RIMS1: variants seen among roughly 807,000 people sequenced by gnomAD.
RIMS1 encodes the protein regulating synaptic membrane exocytosis protein 1.
A neutral mutation model predicts 214.1 loss-of-function variants in RIMS1; 83 were observed. That is an observed-to-expected ratio of 0.39 (90% CI 0.32 to 0.47). The LOEUF is 0.47. Among genes scored for constraint, RIMS1 ranks in the 20% least tolerant of loss-of-function variants. The pLI is 0.99. For missense variants in RIMS1, 2,050 were observed against 2,161.8 expected (o/e 0.95, Z 1.03); for synonymous variants, 793 against 786.8 (o/e 1.01, Z -0.13).
At chr6:72,086,710 G>C (rs1247407098) in intron 2 of RIMS1, among the ~76,000 whole-genome samples, 2 of 152,128 alleles carry the variant, frequency 1.3e-5, no homozygotes, top group Non-Finnish European at 2.9e-5. Context: ...TTTGATTGTA[G>C]TGTAAGATGT....
chr6:72,161,910 G>C (rs2045482572), intron 4 of RIMS1, among the ~76,000 whole-genome samples: 1 of 140,794 alleles, frequency 7.1e-6, no homozygotes, highest in Non-Finnish European at 1.6e-5. Flanking sequence ...AGGTCCGCTT[G>C]GTGCAGAGCT....
chr6:72,038,151 A>ATATG (rs1820461424), intron 2 of RIMS1, among the ~76,000 whole-genome samples: 1 of 126,682 alleles, frequency 7.9e-6, no homozygotes, highest in Non-Finnish European at 1.6e-5. Context: ...ATATATATAT[A>ATATG]TAAAATCTAT....
rs371351752 is a variant in RIMS1, at chr6:72,400,634, C to A, written c.4999C>A (p.Pro1667Thr). 9 of 1,613,734 alleles carry A rather than the reference C, an allele frequency of 5.6e-6. No homozygotes were observed. Among genetic ancestry groups the A allele is most frequent in the Non-Finnish European group, 7.6e-6 (9 of 1,179,822 alleles). ...GTTCCCACCGTCCTCACTGGTGGATCCCACACTCACTCCCCTCACCCGGCG... is the reference window on the plus strand; with the variant it reads ...GTTCCCACCGTCCTCACTGGTGGATACCACACTCACTCCCCTCACCCGGCG... ...KLFPPSSLVDPTLTPLTRRAS... is the reference protein window; with the variant it reads ...KLFPPSSLVDTTLTPLTRRAS... Residue 1667 changes from proline (P) to threonine (T), a missense_variant, in exon 34 of 34, where the codon CCC becomes ACC. Pro to Thr is a conservative substitution (Grantham distance 38). Coordinates refer to ENST00000521978, the MANE Select transcript of RIMS1 (RefSeq NM_014989.7).
At chr6:72,208,412 C>T (rs1033716567) in intron 6 of RIMS1, among the ~76,000 whole-genome samples, 3 of 152,122 alleles carry the variant, frequency 2.0e-5, no homozygotes, top group African/African-American at 7.2e-5. Flanking sequence ...TTTCCATTCC[C>T]GTAAGATCAA....
At chr6:72,256,792 CA>C (rs1392898954) in intron 16 of RIMS1, among the ~76,000 whole-genome samples, 11 of 151,276 alleles carry the variant, frequency 7.3e-5, no homozygotes, top group African/African-American at 2.2e-4. Context: ...CTTAAAATTA[CA>C]ATATAATATT....
intron 26 of RIMS1, among the ~76,000 whole-genome samples, chr6:72,293,526 A>G (rs1212268835): frequency 6.6e-6 from 1 of 151,928 alleles, no homozygotes; most frequent in Non-Finnish European, 1.5e-5. Flanking sequence ...GTGGGTGTTT[A>G]GTTACAAACT....
intron 28 of RIMS1, among the ~76,000 whole-genome samples, chr6:72,327,511 C>T (rs779960330): frequency 6.6e-6 from 1 of 151,642 alleles, no homozygotes; most frequent in African/African-American, 2.4e-5. Flanking sequence ...TATATATTTT[C>T]GATTCTCTTG....
chr6:72,267,142 CCTTTA>C (rs1313916638), intron 22 of RIMS1, among the ~76,000 whole-genome samples: 6 of 151,848 alleles, frequency 4.0e-5, no homozygotes, highest in Non-Finnish European at 8.8e-5. Context: ...GTCTTGTATC[CCTTTA>C]CTTTTGTAAT....
At chr6:72,296,519 C>T (rs764987979) in intron 26 of RIMS1, among the ~76,000 whole-genome samples, 9 of 151,762 alleles carry the variant, frequency 5.9e-5, no homozygotes, top group Non-Finnish European at 1.2e-4. Context: ...GAGAAGAAAA[C>T]CATTCAGCAT....
chr6:72,263,915 C>T (rs2079229424), intron 19 of RIMS1: 2 of 349,916 alleles, frequency 5.7e-6, no homozygotes, highest in Non-Finnish European at 8.0e-6. Context: ...TTTGCTTGAA[C>T]CCAGGAGGCA....
At chr6:71,936,201 C>T (rs1184218523) in intron 1 of RIMS1, among the ~76,000 whole-genome samples, 1 of 151,340 alleles carries the variant, frequency 6.6e-6, no homozygotes, top group African/African-American at 2.4e-5. Context: ...GTAGCGGGCG[C>T]CTGTAGTCCC....
intron 28 of RIMS1, among the ~76,000 whole-genome samples, chr6:72,319,830 G>T (rs569303652): frequency 6.6e-6 from 1 of 151,864 alleles, no homozygotes; most frequent in Admixed American, 6.6e-5. Flanking sequence ...AATATTAAAT[G>T]TATATTCATC....
At chr6:72,036,528 A>C (rs1819664573) in intron 2 of RIMS1, among the ~76,000 whole-genome samples, 1 of 152,208 alleles carries the variant, frequency 6.6e-6, no homozygotes, top group African/African-American at 2.4e-5. Flanking sequence ...AAGCCTACAA[A>C]GTAAACAGAT....
chr6:72,001,296 GTTC>G (rs1409996807), intron 2 of RIMS1, among the ~76,000 whole-genome samples: 1 of 151,868 alleles, frequency 6.6e-6, no homozygotes, highest in Non-Finnish European at 1.5e-5. Context: ...ATTTTACTTT[GTTC>G]TTCTCTTGTC....
intron 2 of RIMS1, among the ~76,000 whole-genome samples, chr6:72,022,051 G>C (rs906714739): frequency 6.6e-6 from 1 of 152,154 alleles, no homozygotes; most frequent in Non-Finnish European, 1.5e-5. Context: ...AAGAGAGAAA[G>C]AATGGATATT....
intron 2 of RIMS1, among the ~76,000 whole-genome samples, chr6:72,008,866 A>T (rs1159059877): frequency 1.3e-5 from 2 of 152,138 alleles, no homozygotes; most frequent in Non-Finnish European, 2.9e-5. Context: ...CTCCCACACA[A>T]TAATAATGGG....
chr6:72,237,956 G>T, intron 9 of RIMS1, 34 bp downstream of exon 9: 1 of 1,434,190 alleles, frequency 7.0e-7, no homozygotes, highest in Non-Finnish European at 9.7e-7. Flanking sequence ...TAAACAGTGT[G>T]TTCTCCATGC....
intron 4 of RIMS1, among the ~76,000 whole-genome samples, chr6:72,120,675 T>C (rs2038085802): frequency 6.6e-6 from 1 of 151,932 alleles, no homozygotes. Flanking sequence ...CATTTGTCTA[T>C]TTTGGCTTTT....
intron 17 of RIMS1, 49 bp downstream of exon 17, chr6:72,258,330 A>G (rs1311005550): frequency 6.7e-7 from 1 of 1,490,992 alleles, no homozygotes; most frequent in African/African-American, 1.4e-5. Context: ...TTTTTATTAT[A>G]ATGCAGTGTA....
Sources: allele counts gnomAD v4.1 joint callset (sites outside exome capture counted in the v4.1 genomes callset), GRCh38; gene constraint gnomAD v4.1.1; transcripts MANE v1.5; gene names NCBI Gene and HGNC (gene_info 2026-07-23, HGNC 2026-07-21).